Variants in PTPN18 observed in about 807,000 individuals in gnomAD.
The protein encoded by PTPN18 is tyrosine-protein phosphatase non-receptor type 18.
Under a neutral mutation model 65.4 loss-of-function variants are expected in PTPN18, and 65 were observed. The observed-to-expected ratio is 0.99, with a 90% CI of 0.81 to 1.22. The LOEUF (loss-of-function observed/expected upper bound fraction) is 1.22, where lower values mean the gene tolerates loss of function less well. Ranked by LOEUF, PTPN18 falls within the 50% of genes most tolerant of loss-of-function variation. The pLI, the probability that PTPN18 is intolerant of heterozygous loss-of-function variation, is 0.00. For synonymous variants in PTPN18, 255 were observed against 267.8 expected (o/e 0.95, Z 0.47); for missense variants, 616 against 646.5 (o/e 0.95, Z 0.51).
At chr2:130,361,399 C>T (rs1434818712) in intron 5 of PTPN18, among the ~76,000 whole-genome samples, 1 of 152,088 alleles carries the variant, frequency 6.6e-6, no homozygotes, top group Non-Finnish European at 1.5e-5. Flanking sequence ...AGGATTATGT[C>T]TTCCTAATGA....
intron 1 of PTPN18, among the ~76,000 whole-genome samples, 172 bp from the exon 2 acceptor site, chr2:130,358,695 T>G (rs1233385164): frequency 2.0e-5 from 3 of 152,004 alleles, no homozygotes; most frequent in African/African-American, 7.3e-5. Flanking sequence ...GTGCCCTGGG[T>G]CACTATTTCG....
Position 130,373,227 on chromosome 2 carries a change from C to A in PTPN18, c.*3C>A. The A allele has an allele frequency of 6.3e-7, 1 of 1,592,526 alleles. No individual in the cohort carries two copies. The highest frequency in any genetic ancestry group is 8.5e-7 in the Non-Finnish European group (1 of 1,170,506). Reference sequence around the variant, plus strand: ...CTGCTGAGTGGACCCGGGTGTAAGTCTAACGCCAGTTCCTGCCTGTTGCCT... The same window carrying A: ...CTGCTGAGTGGACCCGGGTGTAAGTATAACGCCAGTTCCTGCCTGTTGCCT... On this transcript the variant is annotated 3_prime_UTR_variant, in exon 15 of 15. Coordinates refer to ENST00000175756, the MANE Select transcript of PTPN18 (RefSeq NM_014369.4). The surrounding 1 kb of genome is among the most constrained non-coding windows in gnomAD (Gnocchi z 4.1).
In PTPN18 at chr2:130,374,940, A is replaced by G; in HGVS notation, c.*1716A>G. 3.7e-6 allele frequency: 1 copy of G among 266,932 alleles called. No homozygotes were observed. The highest frequency in any genetic ancestry group is 7.6e-6 in the Non-Finnish European group (1 of 131,072). The allele number at this position is 266,932 out of a possible 1,614,324, so 16.5% of individuals were successfully genotyped here. On this transcript the variant is annotated 3_prime_UTR_variant, in exon 15 of 15. Coordinates refer to ENST00000175756, the MANE Select transcript of PTPN18 (RefSeq NM_014369.4). Reference sequence around the variant, plus strand: ...GAGGTGTGGATTTTTAACAGTTCCCAGACTTTCCCAGGAGGCTTGGGTTTG... The same window carrying G: ...GAGGTGTGGATTTTTAACAGTTCCCGGACTTTCCCAGGAGGCTTGGGTTTG...
At position 130,366,201 on chromosome 2, in the gene PTPN18, C is replaced by G. The variant is rs144216692; in HGVS notation, c.415-2932C>G. 5.6e-3 allele frequency among the ~76,000 whole-genome samples: 848 copies of G among 152,314 alleles called. 4 individuals carry two copies. The highest frequency in any genetic ancestry group is 0.019 in the African/African-American group (776 of 41,570). On this transcript the variant is annotated intron_variant, in intron 5 of 14. Transcript: ENST00000175756. The stretch of plus-strand genomic sequence containing the variant: ...ACTATGCCTGAACTGTTAATACAAA[C>G]AATATGCTTTATGCAGAACACCTGT...
chr2:130,373,316 G>T lies in PTPN18; in HGVS notation c.*92G>T, dbSNP rs1397351516. The T allele has an allele frequency of 1.6e-6, 2 of 1,265,918 alleles. No homozygotes were observed. Among genetic ancestry groups the T allele is most frequent in the African/African-American group, 1.5e-5 (1 of 65,734 alleles). The allele number at this position is 1,265,918 out of a possible 1,614,324, so 78.4% of individuals were successfully genotyped here. A position where few individuals can be genotyped will look rare whatever the true frequency, so the allele number is the denominator to read the frequency against. The stretch of plus-strand genomic sequence containing the variant: ...GCGCCGTGCGCAGAATGGAAACAGT[G>T]GGCCTGGATCAAAGTTAAAGTTTCT... On this transcript the variant is annotated 3_prime_UTR_variant, in exon 15 of 15. Transcript: ENST00000175756. The surrounding 1 kb of genome is among the most constrained non-coding windows in gnomAD (Gnocchi z 4.1).
intron 5 of PTPN18, among the ~76,000 whole-genome samples, chr2:130,361,817 C>A (rs137992200): frequency 0.027 from 4,082 of 151,956 alleles, 187 homozygotes; most frequent in African/African-American, 0.095. Context: ...CAAACTCCTG[C>A]CCTCAGGTGA....
At chr2:130,364,851 CCT>C (rs1268365304) in intron 5 of PTPN18, among the ~76,000 whole-genome samples, 1 of 152,194 alleles carries the variant, frequency 6.6e-6, no homozygotes, top group Non-Finnish European at 1.5e-5. Flanking sequence ...TGTTTGAATC[CCT>C]GTTTTCAGTT....
rs748579844 is a variant in PTPN18, at chr2:130,371,164, C to G, written c.925-35C>G. 8.4e-6 allele frequency: 13 copies of G among 1,543,052 alleles called. No homozygotes were observed. In the African/African-American group the frequency reaches 1.1e-4, roughly 13 times the overall value. ...CCCCTTGAGAGGCCTGGCCAGCTTCCTCCCTCAGGAGCCTCCCCTCCTGTT... is the reference window on the plus strand; with the variant it reads ...CCCCTTGAGAGGCCTGGCCAGCTTCGTCCCTCAGGAGCCTCCCCTCCTGTT... On this transcript the variant is annotated intron_variant, in intron 11 of 14. Transcript: ENST00000175756.
intron 5 of PTPN18, among the ~76,000 whole-genome samples, chr2:130,366,342 G>T (rs960302625): frequency 1.3e-5 from 2 of 152,318 alleles, no homozygotes; most frequent in East Asian, 1.9e-4. Flanking sequence ...ACTTTTTTAT[G>T]AAACGCTGTT....
chr2:130,356,226 C>A (rs1236412934), intron 1 of PTPN18, 26 bp downstream of exon 1: 2 of 1,298,274 alleles, frequency 1.5e-6, no homozygotes, highest in Non-Finnish European at 9.8e-7. Context: ...GGTCCGCGAG[C>A]GGCGCGCCCC....
Position 130,373,156 on chromosome 2 carries a change from G to T in PTPN18, c.1316-1G>T. On this transcript the variant is annotated splice_acceptor_variant, in intron 14 of 14. Coordinates refer to ENST00000175756, the MANE Select transcript of PTPN18 (RefSeq NM_014369.4). LOFTEE classifies it high-confidence loss of function. The surrounding 1 kb of genome is among the most constrained non-coding windows in gnomAD (Gnocchi z 4.1). ...GACCCACGGCACCCTTCTTCTCCCA[G>T]GTTTCAACCTGCGCATTGGGAGGCC... 6.3e-7 allele frequency: 1 copy of T among 1,584,546 alleles called. No homozygotes were observed.
intron 12 of PTPN18, 182 bp from the exon 13 acceptor site, chr2:130,372,075 C>T (rs184038580): frequency 1.2e-4 from 65 of 552,648 alleles, no homozygotes; most frequent in African/African-American, 1.1e-3. Flanking sequence ...CTCCTTCATC[C>T]CCCTAACTTG....
chr2:130,373,789 CAGAG>C lies in PTPN18; in HGVS notation c.*575_*578del. 6.5e-6 allele frequency: 1 copy of C among 153,038 alleles called. No individual in the cohort carries two copies. The highest frequency in any genetic ancestry group is 1.5e-5 in the Non-Finnish European group (1 of 68,778). 9.5% of individuals were successfully genotyped at this position (153,038 alleles called of 1,614,324 possible). On this transcript the variant is annotated 3_prime_UTR_variant, in exon 15 of 15. Coordinates refer to ENST00000175756, the MANE Select transcript of PTPN18 (RefSeq NM_014369.4). This position sits in a 1 kb window ranked among gnomAD's most constrained non-coding sequence, Gnocchi z 4.1. Reference sequence around the variant, plus strand: ...ACAGGTGGACAAAGGGATCCCCAGCCAGAGAGAGAGAGACCAGCCAACAGCTTGA... The same window carrying C: ...ACAGGTGGACAAAGGGATCCCCAGCCAGAGAGAGACCAGCCAACAGCTTGA...
rs766059956 is a variant in PTPN18, at chr2:130,370,866, C to T, written c.835-9C>T. ...GCCTTCCCTTCTTGATGGTCCCTCA[C>T]CCCAACAGGAGCAGTACAGGTTCCT... is the stretch of plus-strand genomic sequence containing the variant. On this transcript the variant is annotated splice_polypyrimidine_tract_variant and intron_variant, in intron 10 of 14. Coordinates refer to ENST00000175756, the MANE Select transcript of PTPN18 (RefSeq NM_014369.4). 6.2e-7 allele frequency: 1 copy of T among 1,613,924 alleles called. No individual in the cohort carries two copies. Among genetic ancestry groups the T allele is most frequent in the South Asian group, 1.1e-5 (1 of 91,068 alleles).
Position 130,374,438 on chromosome 2 carries a change from G to C in PTPN18, c.*1214G>C. The C allele has an allele frequency of 3.0e-6, 1 of 337,730 alleles. No homozygotes were observed. Among genetic ancestry groups the C allele is most frequent in the Non-Finnish European group, 6.0e-6 (1 of 167,736 alleles). 20.9% of individuals were successfully genotyped at this position (337,730 alleles called of 1,614,324 possible). A position where few individuals can be genotyped will look rare whatever the true frequency, so the allele number is the denominator to read the frequency against. The stretch of plus-strand genomic sequence containing the variant: ...CTGCCTCAGCCTCCCAAAGTGCTGA[G>C]ATTACAGGTGTGAGCCACCAGGCTC... On this transcript the variant is annotated 3_prime_UTR_variant, in exon 15 of 15. Transcript: ENST00000175756.
At chr2:130,371,022 C>A (rs1424717026) in intron 11 of PTPN18, 58 bp downstream of exon 11, 4 of 1,562,748 alleles carry the variant, frequency 2.6e-6, no homozygotes, top group East Asian at 4.5e-5. Context: ...GAGACCAGGA[C>A]CCCGAGCAGG....
chr2:130,369,487 T>C (rs535667735), intron 6 of PTPN18, among the ~76,000 whole-genome samples: 2 of 152,316 alleles, frequency 1.3e-5, no homozygotes, highest in South Asian at 2.1e-4. Flanking sequence ...TACATACAGT[T>C]AGTACTTAAT....
intron 12 of PTPN18, among the ~76,000 whole-genome samples, chr2:130,371,500 T>C (rs1005827155): frequency 2.0e-5 from 3 of 152,246 alleles, no homozygotes; most frequent in African/African-American, 7.2e-5. Context: ...TTGCCCTGCC[T>C]TCTGAGTTAG....
intron 5 of PTPN18, among the ~76,000 whole-genome samples, chr2:130,361,154 T>C (rs1680179497): frequency 6.6e-6 from 1 of 152,180 alleles, no homozygotes; most frequent in African/African-American, 2.4e-5. Flanking sequence ...TTTACTGATT[T>C]ATTTTCTCTA....
Sources: allele counts gnomAD v4.1 joint callset (sites outside exome capture counted in the v4.1 genomes callset), GRCh38; gene constraint gnomAD v4.1.1; non-coding constraint Gnocchi (gnomAD v3.1); transcripts MANE v1.5; gene names NCBI Gene and HGNC (gene_info 2026-07-23, HGNC 2026-07-21).